Variants in PLEKHG7 observed in about 807,000 individuals in gnomAD.
PLEKHG7 encodes the protein pleckstrin homology domain-containing family G member 7.
In PLEKHG7, 77 loss-of-function variants were observed where a neutral mutation model predicts 85.2. The observed-to-expected ratio is 0.90, with a 90% CI of 0.75 to 1.09. The LOEUF (loss-of-function observed/expected upper bound fraction) is 1.09. Among genes scored for constraint, PLEKHG7 ranks in the 50% least tolerant of loss-of-function variants. The pLI, the probability that PLEKHG7 is intolerant of heterozygous loss-of-function variation, is 0.00. For missense variants in PLEKHG7, 777 were observed against 804.3 expected, an observed-to-expected ratio of 0.97 and a Z score of 0.41; for synonymous variants, 301 against 302.4, an observed-to-expected ratio of 1.00 and a Z score of 0.05.
chr12:92,739,811 T>C (rs562695319), intron 7 of PLEKHG7, among the ~76,000 whole-genome samples: 2 of 152,326 alleles, frequency 1.3e-5, no homozygotes, highest in South Asian at 4.1e-4. Context: ...AGTAATGAGT[T>C]CTGTTTCTTA....
Position 92,770,238 on chromosome 12 carries a change from T to C in PLEKHG7, c.*43T>C. ...CATGTCTTTTTAGAAGATTATGGTT[T>C]AAGGTATAATTTCATTCAAAGTTTT... is the stretch of plus-strand genomic sequence containing the variant. On this transcript the variant is annotated 3_prime_UTR_variant, in exon 17 of 17. Transcript: ENST00000344636. 1 of 1,373,992 alleles carries C rather than the reference T, an allele frequency of 7.3e-7. No individual in the cohort carries two copies. The allele number at this position is 1,373,992 out of a possible 1,614,324, so 85.1% of individuals were successfully genotyped here.
At position 92,770,687 on chromosome 12, in the gene PLEKHG7, T is replaced by C. The variant is rs1225546382; in HGVS notation, c.*492T>C. ...ATCTTTAGATACAAAGCTTGATTGTTCTTTTAATATACAAAGCAATAAATA... is the reference window on the plus strand; with the variant it reads ...ATCTTTAGATACAAAGCTTGATTGTCCTTTTAATATACAAAGCAATAAATA... On this transcript the variant is annotated 3_prime_UTR_variant, in exon 17 of 17. Coordinates refer to ENST00000344636, the MANE Select transcript of PLEKHG7 (RefSeq NM_001377329.1). 6.6e-6 allele frequency: 1 copy of C among 152,628 alleles called. No individual in the cohort carries two copies. The highest frequency in any genetic ancestry group is 1.5e-5 in the Non-Finnish European group (1 of 68,370). 9.5% of individuals were successfully genotyped at this position (152,628 alleles called of 1,614,324 possible).
At chr12:92,727,310 C>T (rs141254558) in intron 3 of PLEKHG7, among the ~76,000 whole-genome samples, 33 of 152,210 alleles carry the variant, frequency 2.2e-4, no homozygotes, top group East Asian at 1.5e-3. Flanking sequence ...ATTTGTTCCA[C>T]GGGTATATTG....
intron 10 of PLEKHG7, among the ~76,000 whole-genome samples, chr12:92,752,570 G>A (rs773181230): frequency 3.3e-5 from 5 of 152,140 alleles, no homozygotes; most frequent in Admixed American, 6.5e-5. Flanking sequence ...ACATCTCTGG[G>A]GATGCAGCAG....
intron 9 of PLEKHG7, among the ~76,000 whole-genome samples, chr12:92,743,681 C>T (rs1203520020): frequency 6.6e-6 from 1 of 152,004 alleles, no homozygotes; most frequent in Admixed American, 6.5e-5. Flanking sequence ...TGCCTCAGCC[C>T]CCCGAGTAGC....
intron 9 of PLEKHG7, among the ~76,000 whole-genome samples, chr12:92,741,937 A>G (rs1565792505): frequency 6.6e-6 from 1 of 152,220 alleles, no homozygotes; most frequent in African/African-American, 2.4e-5. Flanking sequence ...TAACGAAAGT[A>G]CCAATTTCTC....
intron 5 of PLEKHG7, among the ~76,000 whole-genome samples, chr12:92,734,443 A>T (rs1872080220): frequency 6.6e-6 from 1 of 152,230 alleles, no homozygotes; most frequent in South Asian, 2.1e-4. Flanking sequence ...ACACATGTGA[A>T]CTCATAAATT....
rs1263939673 is a variant in PLEKHG7 at position 92,754,179 on chromosome 12, G to A, written c.1341G>A (p.Leu447=). The A allele has an allele frequency of 1.9e-6, 3 of 1,613,862 alleles. No homozygotes were observed. The highest frequency in any genetic ancestry group is 1.6e-4 in the Middle Eastern group (1 of 6,082). Reference sequence around the variant, plus strand: ...AGAGGCTCACTCGATATCCGTTGTTGCTGAAGAATATCTGGAAAAGGAGCA... The same window carrying A: ...AGAGGCTCACTCGATATCCGTTGTTACTGAAGAATATCTGGAAAAGGAGCA... ...PLQRLTRYPL[L]LKNIWKRSMD... The change falls in exon 11 of 17, where the codon TTG becomes TTA. Residue 447 remains leucine, a synonymous_variant. Transcript: ENST00000344636.
In PLEKHG7 at chr12:92,756,274, TTATTTTCTCGCTTGTTTTACAAG is replaced by T. The variant is rs758102900; in HGVS notation, c.1543-22_1543del. 26 of 1,539,454 alleles carry T rather than the reference TTATTTTCTCGCTTGTTTTACAAG, an allele frequency of 1.7e-5. No homozygotes were observed. Among genetic ancestry groups the T allele is most frequent in the Non-Finnish European group, 1.7e-5 (19 of 1,114,028 alleles). On this transcript the variant is annotated splice_acceptor_variant and splice_polypyrimidine_tract_variant and intron_variant, in intron 12 of 16. Transcript: ENST00000344636. LOFTEE classifies it high-confidence loss of function. The stretch of plus-strand genomic sequence containing the variant: ...CTTCCAATCACTAACAACATCTCTT[TTATTTTCTCGCTTGTTTTACAAG>T]TGTTTGAAACACATTTTTAAAGAAC...
chr12:92,725,299 A>G (rs1871761945), intron 3 of PLEKHG7, among the ~76,000 whole-genome samples: 1 of 152,138 alleles, frequency 6.6e-6, no homozygotes, highest in Non-Finnish European at 1.5e-5. Context: ...CAGGCAGGTA[A>G]ATGGAGCCAG....
At chr12:92,713,997 C>CAAT (rs1871416146) in intron 3 of PLEKHG7, among the ~76,000 whole-genome samples, 1 of 152,176 alleles carries the variant, frequency 6.6e-6, no homozygotes, top group Non-Finnish European at 1.5e-5. Flanking sequence ...CATGCCTGTT[C>CAAT]TCCAGATTTC....
At chr12:92,739,355 C>A (rs1452026708) in intron 7 of PLEKHG7, among the ~76,000 whole-genome samples, 1 of 152,216 alleles carries the variant, frequency 6.6e-6, no homozygotes, top group Non-Finnish European at 1.5e-5. Flanking sequence ...TGCCACATGG[C>A]ACATGTGCAG....
intron 3 of PLEKHG7, among the ~76,000 whole-genome samples, chr12:92,716,865 T>C (rs995618725): frequency 1.3e-5 from 2 of 152,148 alleles, no homozygotes; most frequent in African/African-American, 4.8e-5. Flanking sequence ...CCAGAAAGAG[T>C]CTACTTCCAA....
chr12:92,736,600 T>G, intron 6 of PLEKHG7, 23 bp downstream of exon 6: 2 of 1,198,840 alleles, frequency 1.7e-6, no homozygotes, highest in Non-Finnish European at 1.0e-6. Flanking sequence ...CTGTTAACTA[T>G]GGGGTTTGAC....
intron 3 of PLEKHG7, among the ~76,000 whole-genome samples, chr12:92,715,924 G>A (rs1871473897): frequency 6.6e-6 from 1 of 152,104 alleles, no homozygotes; most frequent in Non-Finnish European, 1.5e-5. Flanking sequence ...TTTACTATCT[G>A]TCTCTTTACA....
intron 3 of PLEKHG7, among the ~76,000 whole-genome samples, chr12:92,728,595 C>A (rs1022687647): frequency 6.7e-6 from 1 of 149,098 alleles, no homozygotes; most frequent in African/African-American, 2.6e-5. Flanking sequence ...TACCACATTC[C>A]ATGGTGTTTA....
At chr12:92,753,860 G>A (rs563267318) in intron 10 of PLEKHG7, among the ~76,000 whole-genome samples, 2 of 152,338 alleles carry the variant, frequency 1.3e-5, no homozygotes, top group African/African-American at 4.8e-5. Context: ...TCTCCAATGA[G>A]AAGGGTAAAC....
intron 3 of PLEKHG7, among the ~76,000 whole-genome samples, chr12:92,725,480 G>A (rs543400379): frequency 6.6e-6 from 1 of 152,276 alleles, no homozygotes; most frequent in Admixed American, 6.5e-5. Context: ...GGAGAAACAA[G>A]GTAAGAGGCG....
At chr12:92,740,484 A>C (rs1872320016) in intron 7 of PLEKHG7, among the ~76,000 whole-genome samples, 1 of 152,214 alleles carries the variant, frequency 6.6e-6, no homozygotes, top group South Asian at 2.1e-4. Flanking sequence ...GAAAGAGCAT[A>C]TGAGAATACA....
Sources: gnomAD v4.1 joint callset for allele counts (sites outside exome capture counted in the v4.1 genomes callset) on GRCh38, gnomAD v4.1.1 for gene constraint, MANE v1.5 for transcripts, NCBI Gene and HGNC (gene_info 2026-07-23, HGNC 2026-07-21) for gene names.